AKT3: variants seen among roughly 807,000 people sequenced by gnomAD.
AKT3 encodes the protein AKT serine/threonine kinase 3, also known as RAC-gamma serine/threonine-protein kinase.
AKT3 carries 15 observed loss-of-function variants against 65.3 expected under a neutral mutation model. The ratio of observed to expected loss-of-function variants is 0.23; its 90% confidence interval spans 0.15 to 0.35. The LOEUF (loss-of-function observed/expected upper bound fraction) is 0.35, where lower values mean the gene tolerates loss of function less well. Among genes scored for constraint, AKT3 ranks in the 10% least tolerant of loss-of-function variants. The pLI is 1.00. For missense variants in AKT3, 243 were observed against 576.5 expected (o/e 0.42, Z 5.92); for synonymous variants, 206 against 183.8 (o/e 1.12, Z -0.98).
chr1:243,666,065 G>C (rs1273635285), intron 3 of AKT3, among the ~76,000 whole-genome samples: 1 of 151,988 alleles, frequency 6.6e-6, no homozygotes. Context: ...GTGCAGTGGC[G>C]CGATCTCGGC....
intron 8 of AKT3, 33 bp from the exon 9 acceptor site, chr1:243,573,081 T>A: frequency 6.2e-7 from 1 of 1,606,108 alleles, no homozygotes; most frequent in Non-Finnish European, 8.5e-7. Context: ...AGGATTGTAA[T>A]AATTACTGAT....
chr1:243,565,568 A>G (rs898012548), intron 9 of AKT3, among the ~76,000 whole-genome samples: 1 of 152,194 alleles, frequency 6.6e-6, no homozygotes, highest in Non-Finnish European at 1.5e-5. Context: ...TATCTTGTAT[A>G]TTCCTGTTTC....
At chr1:243,735,911 TC>T (rs1465466523) in intron 2 of AKT3, among the ~76,000 whole-genome samples, 1 of 152,186 alleles carries the variant, frequency 6.6e-6, no homozygotes, top group Non-Finnish European at 1.5e-5. Context: ...AAATTATTCT[TC>T]CTTGTGCTAG....
intron 2 of AKT3, among the ~76,000 whole-genome samples, chr1:243,825,147 C>G (rs952945929): frequency 1.3e-5 from 2 of 152,190 alleles, no homozygotes; most frequent in African/African-American, 4.8e-5. Flanking sequence ...CAAACTAACA[C>G]AGGAACAGAA....
chr1:243,656,724 T>C (rs890487440), intron 4 of AKT3, among the ~76,000 whole-genome samples: 1 of 152,142 alleles, frequency 6.6e-6, no homozygotes, highest in Non-Finnish European at 1.5e-5. Flanking sequence ...ATCTGGAACA[T>C]GTTGGGGGCG....
chr1:243,659,181 T>G (rs1682070895), intron 4 of AKT3, among the ~76,000 whole-genome samples: 1 of 152,220 alleles, frequency 6.6e-6, no homozygotes, highest in Non-Finnish European at 1.5e-5. Flanking sequence ...GGACAAACAC[T>G]GTATGATTCC....
chr1:243,791,193 T>C (rs1374471554), intron 2 of AKT3, among the ~76,000 whole-genome samples: 1 of 152,148 alleles, frequency 6.6e-6, no homozygotes, highest in Non-Finnish European at 1.5e-5. Flanking sequence ...AAACACCTAA[T>C]ACAATGTAGA....
intron 2 of AKT3, chr1:243,739,581 T>C (rs1003362809): frequency 6.6e-6 from 1 of 152,232 alleles, no homozygotes; most frequent in African/African-American, 2.4e-5. Context: ...AGTACAAATG[T>C]AGGTCTTCAA....
Position 243,591,421 on chromosome 1 carries a change from C to T in AKT3, c.697-18373G>A, listed in dbSNP as rs539248235. On this transcript the variant is annotated intron_variant, in intron 8 of 13. Coordinates refer to ENST00000673466, the MANE Select transcript of AKT3 (RefSeq NM_005465.7). The stretch of plus-strand genomic sequence containing the variant: ...AAAAGCAAGCACTGATAGGATCATA[C>T]TGTTTATACATAAGAATAATGCCTA... 5.3e-5 allele frequency among the ~76,000 whole-genome samples: 8 copies of T among 152,310 alleles called. No homozygotes were observed. The South Asian group carries it at 1.7e-3, about 32-fold the overall frequency.
chr1:243,586,546 G>A (rs142439570), intron 8 of AKT3, among the ~76,000 whole-genome samples: 53 of 152,240 alleles, frequency 3.5e-4, no homozygotes, highest in Non-Finnish European at 5.4e-4. Flanking sequence ...CTATGCAGTC[G>A]TAAAAAGAAC....
chr1:243,712,258 T>G (rs1397368055), intron 2 of AKT3, among the ~76,000 whole-genome samples: 2 of 152,216 alleles, frequency 1.3e-5, no homozygotes, highest in Non-Finnish European at 2.9e-5. Flanking sequence ...TCTATGCCTT[T>G]TCAGCAAACA....
intron 2 of AKT3, among the ~76,000 whole-genome samples, chr1:243,755,975 A>T (rs1001786280): frequency 6.6e-6 from 1 of 152,246 alleles, no homozygotes; most frequent in Admixed American, 6.5e-5. Context: ...GACCACAAGA[A>T]GTAGTGGCCA....
intron 4 of AKT3, among the ~76,000 whole-genome samples, chr1:243,649,293 C>G (rs914041450): frequency 4.9e-5 from 7 of 144,236 alleles, no homozygotes; most frequent in African/African-American, 7.8e-5. Context: ...ATTTTATGAC[C>G]AAGAATATGT....
At chr1:243,833,135 C>T (rs1368705009) in intron 2 of AKT3, among the ~76,000 whole-genome samples, 9 of 152,018 alleles carry the variant, frequency 5.9e-5, no homozygotes, top group Non-Finnish European at 1.2e-4. Flanking sequence ...GTGGCACACA[C>T]CTATAGTCCC....
chr1:243,757,043 A>G (rs547960906), intron 2 of AKT3, among the ~76,000 whole-genome samples: 3 of 152,354 alleles, frequency 2.0e-5, no homozygotes, highest in African/African-American at 7.2e-5. Flanking sequence ...TAAAAGCCAT[A>G]AAAGGAAAGA....
At chr1:243,640,864 T>C (rs1558675303) in intron 5 of AKT3, among the ~76,000 whole-genome samples, 1 of 152,168 alleles carries the variant, frequency 6.6e-6, no homozygotes. Context: ...GCGTGAGGGT[T>C]AATACTGAGT....
At chr1:243,819,712 G>A (rs981868393) in intron 2 of AKT3, among the ~76,000 whole-genome samples, 7 of 152,190 alleles carry the variant, frequency 4.6e-5, no homozygotes, top group African/African-American at 1.7e-4. Flanking sequence ...CCCAACAGGG[G>A]TCGCCAGACA....
chr1:243,646,053 A>C lies in AKT3; in HGVS notation c.285-16T>G. 6.4e-7 allele frequency: 1 copy of C among 1,573,080 alleles called. No individual in the cohort carries two copies. Among genetic ancestry groups the C allele is most frequent in the South Asian group, 1.2e-5 (1 of 84,336 alleles). On this transcript the variant is annotated splice_polypyrimidine_tract_variant and intron_variant, in intron 4 of 13. Transcript: ENST00000673466. ...CCATTCTTCCCTATAAAAATGAGTAAAATTTCCCATTAATAGAAGATGGTA... is the reference window on the plus strand; with the variant it reads ...CCATTCTTCCCTATAAAAATGAGTACAATTTCCCATTAATAGAAGATGGTA...
intron 2 of AKT3, among the ~76,000 whole-genome samples, chr1:243,822,738 C>G (rs1472649530): frequency 6.6e-6 from 1 of 151,972 alleles, no homozygotes; most frequent in African/African-American, 2.4e-5. Context: ...TAGGAAGAAG[C>G]TGAATCCAGG....
Sources: gnomAD v4.1 joint callset for allele counts (sites outside exome capture counted in the v4.1 genomes callset) on GRCh38, gnomAD v4.1.1 for gene constraint, MANE v1.5 for transcripts, NCBI Gene and HGNC (gene_info 2026-07-23, HGNC 2026-07-21) for gene names.